SLC27A6: variants seen among roughly 807,000 people sequenced by gnomAD.
SLC27A6 encodes the protein long-chain fatty acid transport protein 6.
Under a neutral mutation model 63.9 loss-of-function variants are expected in SLC27A6, and 74 were observed. The ratio of observed to expected loss-of-function variants is 1.16; its 90% CI spans 0.96 to 1.40. SLC27A6 has a LOEUF of 1.40. Among genes scored for constraint, SLC27A6 ranks in the 40% most tolerant of loss-of-function variants. The pLI, the probability that SLC27A6 is intolerant of heterozygous loss-of-function variation, is 0.00. For missense variants in SLC27A6, 794 were observed against 732.9 expected (o/e 1.08, Z -0.96); for synonymous variants, 287 against 260.8 (o/e 1.10, Z -0.97).
chr5:128,981,812 C>T (rs1750599257), intron 1 of SLC27A6, among the ~76,000 whole-genome samples: 2 of 148,834 alleles, frequency 1.3e-5, no homozygotes, highest in Non-Finnish European at 3.0e-5. Flanking sequence ...TCTTTCTTTT[C>T]TTTTCTTTTT....
intron 5 of SLC27A6, among the ~76,000 whole-genome samples, chr5:129,021,526 G>T (rs1025642069): frequency 6.6e-6 from 1 of 152,216 alleles, no homozygotes; most frequent in Non-Finnish European, 1.5e-5. Context: ...AGGTGTGTGT[G>T]CATTGCACAG....
At chr5:129,012,122 G>C (rs527570368) in intron 4 of SLC27A6, among the ~76,000 whole-genome samples, 2 of 150,978 alleles carry the variant, frequency 1.3e-5, no homozygotes, top group East Asian at 1.9e-4. Context: ...TTACTGTATT[G>C]CTTTTGCTGC....
At chr5:129,004,842 A>G (rs1440505261) in intron 4 of SLC27A6, among the ~76,000 whole-genome samples, 1 of 152,238 alleles carries the variant, frequency 6.6e-6, no homozygotes, top group Non-Finnish European at 1.5e-5. Flanking sequence ...ATGTCTAGAT[A>G]GTCCAGGGTC....
At chr5:128,971,879 A>G (rs915523582) in intron 1 of SLC27A6, among the ~76,000 whole-genome samples, 2 of 152,142 alleles carry the variant, frequency 1.3e-5, no homozygotes, top group African/African-American at 2.4e-5. Context: ...ACAATTTGGC[A>G]TGTTTTAGCA....
intron 5 of SLC27A6, among the ~76,000 whole-genome samples, chr5:129,017,936 CAGA>C (rs1751959461): frequency 1.3e-5 from 2 of 152,056 alleles, no homozygotes; most frequent in African/African-American, 4.8e-5. Context: ...CCAGATAATG[CAGA>C]AGGAGAAAAA....
rs1484120237 is a variant in SLC27A6 at position 128,966,596 on chromosome 5, C to T, written c.459C>T (p.Pro153=). The T allele has an allele frequency of 2.6e-6, 4 of 1,535,984 alleles. No homozygotes were observed. The highest frequency in any genetic ancestry group is 2.2e-5 in the East Asian group (1 of 44,446). Residue 153 remains proline (P), a synonymous_variant, in exon 1 of 10, where the codon CCC becomes CCT. Transcript: ENST00000262462. ...SLLNCIRACG[P]RALVVGADLL... ...TGAATTGCATCCGCGCCTGTGGGCC[C>T]AGAGCCCTAGTGGTGGGCGCAGGTA...
intron 2 of SLC27A6, among the ~76,000 whole-genome samples, chr5:128,987,604 T>A (rs1750833257): frequency 6.6e-6 from 1 of 152,014 alleles, no homozygotes; most frequent in Non-Finnish European, 1.5e-5. Flanking sequence ...AAAGTGTCAA[T>A]AATATAAAAA....
Position 129,015,940 on chromosome 5 carries a change from G to A in SLC27A6, c.1025G>A (p.Ser342Asn). The change falls in exon 5 of 10, where the codon AGT becomes AAT. Residue 342 changes from serine (S) to asparagine (N), a missense_variant. Coordinates refer to ENST00000262462, the MANE Select transcript of SLC27A6 (RefSeq NM_001017372.3). ...TTGGCAATTGGAAATGGCATACGGAGTGATGTATGGAGAGAATTTTTAGAC... is the reference window on the plus strand; with the variant it reads ...TTGGCAATTGGAAATGGCATACGGAATGATGTATGGAGAGAATTTTTAGAC... ...VRLAIGNGIR[S>N]DVWREFLDRF... is the part of the protein sequence containing the mutation. 1 of 1,604,202 alleles carries A rather than the reference G, an allele frequency of 6.2e-7. No individual in the cohort carries two copies. Among genetic ancestry groups the A allele is most frequent in the Non-Finnish European group, 8.5e-7 (1 of 1,176,172 alleles).
At chr5:128,985,475 T>C (rs1257000571) in intron 2 of SLC27A6, 139 bp downstream of exon 2, 1 of 658,148 alleles carries the variant, frequency 1.5e-6, no homozygotes, top group East Asian at 2.7e-5. Flanking sequence ...TCTCAGAGGC[T>C]AGAACTTTCC....
chr5:129,019,407 A>G (rs895571658), intron 5 of SLC27A6, among the ~76,000 whole-genome samples: 10 of 151,984 alleles, frequency 6.6e-5, no homozygotes, highest in Admixed American at 6.6e-4. Flanking sequence ...ATGAATGCAC[A>G]TTTTATACAT....
intron 5 of SLC27A6, among the ~76,000 whole-genome samples, chr5:129,021,335 T>C (rs1254078679): frequency 2.6e-5 from 4 of 152,022 alleles, no homozygotes; most frequent in Non-Finnish European, 5.9e-5. Context: ...TTCCCGACTC[T>C]ACTACTATTT....
At chr5:129,020,212 T>G (rs1407508158) in intron 5 of SLC27A6, among the ~76,000 whole-genome samples, 1 of 152,152 alleles carries the variant, frequency 6.6e-6, no homozygotes, top group Non-Finnish European at 1.5e-5. Context: ...AAGTATCAAG[T>G]CAACAAAGAG....
intron 5 of SLC27A6, among the ~76,000 whole-genome samples, chr5:129,017,618 C>T (rs926055751): frequency 1.3e-5 from 2 of 151,834 alleles, no homozygotes; most frequent in African/African-American, 2.4e-5. Context: ...AAAAGTAAAT[C>T]GATTCTGATT....
At chr5:128,967,656 T>C (rs141112641) in intron 1 of SLC27A6, among the ~76,000 whole-genome samples, 1,930 of 152,274 alleles carry the variant, frequency 0.013, 46 homozygotes, top group African/African-American at 0.044. Context: ...AGTTAGGCAG[T>C]ATATGGAAAA....
At chr5:128,976,556 A>G (rs1425562456) in intron 1 of SLC27A6, among the ~76,000 whole-genome samples, 1 of 152,176 alleles carries the variant, frequency 6.6e-6, no homozygotes, top group East Asian at 1.9e-4. Context: ...CCAAAAGGGC[A>G]TTTATTTTTC....
At chr5:128,971,137 T>A (rs1322930284) in intron 1 of SLC27A6, among the ~76,000 whole-genome samples, 3 of 152,208 alleles carry the variant, frequency 2.0e-5, no homozygotes, top group African/African-American at 7.2e-5. Flanking sequence ...TTGCTACAAT[T>A]TCTTTTCTTT....
chr5:128,972,264 A>G (rs1296500314), intron 1 of SLC27A6, among the ~76,000 whole-genome samples: 2 of 152,098 alleles, frequency 1.3e-5, no homozygotes, highest in Non-Finnish European at 2.9e-5. Context: ...CTTGTGGAGT[A>G]TCTTTGTGGC....
chr5:129,032,095 A>G (rs1468421497), intron 9 of SLC27A6, among the ~76,000 whole-genome samples: 1 of 152,010 alleles, frequency 6.6e-6, no homozygotes, highest in Non-Finnish European at 1.5e-5. Context: ...TATCTCCTTT[A>G]AACACCTTGA....
chr5:128,966,769 G>A, intron 1 of SLC27A6, 151 bp downstream of exon 1: 2 of 828,770 alleles, frequency 2.4e-6, no homozygotes, highest in Non-Finnish European at 1.6e-6. Context: ...ATTCTATGCT[G>A]GTTTAACAAC....
Sources: gnomAD v4.1 joint callset for allele counts (sites outside exome capture counted in the v4.1 genomes callset) on GRCh38, gnomAD v4.1.1 for gene constraint, MANE v1.5 for transcripts, NCBI Gene and HGNC (gene_info 2026-07-23, HGNC 2026-07-21) for gene names.